NLRP14: variants seen among roughly 807,000 people sequenced by gnomAD.
NLRP14 encodes NLR family pyrin domain containing 14.
NLRP14 carries 105 observed loss-of-function variants against 94.7 expected under a neutral mutation model. That is an observed-to-expected ratio of 1.11 (90% confidence interval 0.95 to 1.30). The LOEUF (loss-of-function observed/expected upper bound fraction) is 1.30, where lower values mean the gene tolerates loss of function less well. NLRP14 is among the 50% of genes most tolerant of loss of function. The probability of loss-of-function intolerance (pLI) is 0.00; values close to 1 mark genes in which losing one functional copy is unlikely to be tolerated. For synonymous variants in NLRP14, 508 were observed against 459.9 expected, an observed-to-expected ratio of 1.10 and a Z score of -1.34; for missense variants, 1,362 against 1,254.1, an observed-to-expected ratio of 1.09 and a Z score of -1.30.
At chr11:7,089,949 G>A in the NLRP14 span, 33 of 1,612,970 alleles carry the variant, frequency 2.0e-5, no homozygotes, top group Non-Finnish European at 2.8e-5. Flanking sequence ...TCTGAGCAGA[G>A]GCTCCCATCG....
chr11:7,072,257 C>T (rs1315082884), downstream of NLRP14, among the ~76,000 whole-genome samples: 2 of 152,222 alleles, frequency 1.3e-5, no homozygotes, highest in African/African-American at 4.8e-5. Flanking sequence ...CTGGAGGCCC[C>T]AGATAACTTG....
chr11:7,086,121 C>T, the NLRP14 span, among the ~76,000 whole-genome samples: 2 of 152,202 alleles, frequency 1.3e-5, no homozygotes. Flanking sequence ...AACTGTCATA[C>T]TGTTTTTAAT....
intron 3 of NLRP14, among the ~76,000 whole-genome samples, chr11:7,040,337 G>T (rs1852230254): frequency 6.6e-6 from 1 of 152,222 alleles, no homozygotes; most frequent in South Asian, 2.1e-4. Context: ...CCTCCTGTCA[G>T]ATCAGCAGCT....
chr11:7,039,689 A>G (rs766550810), intron 2 of NLRP14, 25 bp from the exon 3 acceptor site: 10 of 1,584,012 alleles, frequency 6.3e-6, no homozygotes, highest in East Asian at 4.5e-5. Context: ...ATTAAATATC[A>G]TGATCCTATC....
intron 1 of NLRP14, among the ~76,000 whole-genome samples, chr11:7,021,640 A>AT (rs1271390876): frequency 1.3e-5 from 2 of 151,694 alleles, no homozygotes; most frequent in Non-Finnish European, 2.9e-5. Context: ...TTATTTATTT[A>AT]TTTTTTATTA....
chr11:7,047,341 G>C (rs1312679923), intron 5 of NLRP14, among the ~76,000 whole-genome samples: 3 of 151,054 alleles, frequency 2.0e-5, no homozygotes, highest in African/African-American at 4.9e-5. Flanking sequence ...CTGAGACAGG[G>C]TCTTACTCTG....
intron 1 of NLRP14, among the ~76,000 whole-genome samples, chr11:7,022,416 A>T (rs920359480): frequency 2.0e-5 from 3 of 152,230 alleles, no homozygotes; most frequent in Non-Finnish European, 4.4e-5. Context: ...TGAAGAATCT[A>T]AGAATATGAC....
intron 1 of NLRP14, among the ~76,000 whole-genome samples, chr11:7,023,408 CAT>C (rs1448821329): frequency 6.9e-6 from 1 of 144,624 alleles, no homozygotes; most frequent in East Asian, 2.0e-4. Flanking sequence ...TATATAAAAA[CAT>C]TTTTATATAA....
At chr11:7,081,063 G>A in the NLRP14 span, among the ~76,000 whole-genome samples, 1 of 152,160 alleles carries the variant, frequency 6.6e-6, no homozygotes, top group African/African-American at 2.4e-5. Context: ...CTGGCCGGAG[G>A]GGTCTTATCT....
At chr11:7,046,979 G>A (rs903089985) in intron 5 of NLRP14, 147 bp downstream of exon 5, 12 of 709,456 alleles carry the variant, frequency 1.7e-5, no homozygotes, top group African/African-American at 1.4e-4. Context: ...GAATCCTCTG[G>A]GGACATGGGA....
chr11:7,052,605 G>A (rs1033217911), intron 6 of NLRP14, among the ~76,000 whole-genome samples: 2 of 152,204 alleles, frequency 1.3e-5, no homozygotes, highest in Admixed American at 1.3e-4. Flanking sequence ...CTGCACTCCA[G>A]TCTGGGCAAC....
chr11:7,025,077 GAAT>G (rs1851996320), intron 1 of NLRP14, among the ~76,000 whole-genome samples: 1 of 152,204 alleles, frequency 6.6e-6, no homozygotes, highest in Non-Finnish European at 1.5e-5. Flanking sequence ...GAGAAGGCAT[GAAT>G]GTAGACCAAA....
chr11:7,055,468 C>T (rs1214328894), intron 6 of NLRP14, among the ~76,000 whole-genome samples: 2 of 152,112 alleles, frequency 1.3e-5, no homozygotes, highest in Admixed American at 1.3e-4. Context: ...ACACAGCAGA[C>T]ATTTTCAGAA....
At position 7,060,020 on chromosome 11, in the gene NLRP14, G is replaced by A; in HGVS notation, c.2760G>A (p.Leu920=). 6.2e-7 allele frequency: 1 copy of A among 1,612,784 alleles called. No individual in the cohort carries two copies. The highest frequency in any genetic ancestry group is 1.1e-5 in the South Asian group (1 of 91,044). ...TACAAGACAATGGAGTGAAGCTTCT[G>A]TGTGATGTCTTTCGGCATCCAAGCT... ...NWLQDNGVKL[L]CDVFRHPSCN... is the part of the protein sequence containing the mutation. The change falls in exon 9 of 12, where the codon CTG becomes CTA. Residue 920 remains leucine (L), a synonymous_variant. Transcript: ENST00000299481.
chr11:7,064,561 A>G (rs1852676624), intron 10 of NLRP14, among the ~76,000 whole-genome samples: 1 of 152,218 alleles, frequency 6.6e-6, no homozygotes, highest in East Asian at 1.9e-4. Flanking sequence ...AGTTTGTGCC[A>G]TCCCAGTGGC....
intron 1 of NLRP14, among the ~76,000 whole-genome samples, chr11:7,021,779 C>T (rs781246145): frequency 2.7e-5 from 4 of 150,770 alleles, no homozygotes; most frequent in Non-Finnish European, 5.9e-5. Context: ...CTATCAATTG[C>T]GGCTATTTAA....
At chr11:7,067,888 AC>A (rs1404088107) in intron 10 of NLRP14, among the ~76,000 whole-genome samples, 1 of 152,034 alleles carries the variant, frequency 6.6e-6, no homozygotes, top group Non-Finnish European at 1.5e-5. Context: ...TCTTCTTTGA[AC>A]TTTGTAACAA....
chr11:7,035,400 C>T (rs1033668751), intron 1 of NLRP14, among the ~76,000 whole-genome samples: 1 of 152,122 alleles, frequency 6.6e-6, no homozygotes, highest in African/African-American at 2.4e-5. Context: ...AAATTTGCTG[C>T]CCTGGGGTCA....
At chr11:7,064,690 A>G (rs961724129) in intron 10 of NLRP14, among the ~76,000 whole-genome samples, 1 of 152,148 alleles carries the variant, frequency 6.6e-6, no homozygotes, top group African/African-American at 2.4e-5. Context: ...AACCCATTAT[A>G]TCTTATACAT....
Sources: allele counts gnomAD v4.1 joint callset (sites outside exome capture counted in the v4.1 genomes callset), GRCh38; gene constraint gnomAD v4.1.1; transcripts MANE v1.5; gene names NCBI Gene and HGNC (gene_info 2026-07-23, HGNC 2026-07-21).